Variants in ADIPOR2 observed in about 807,000 individuals in gnomAD.
ADIPOR2 encodes the protein adiponectin receptor protein 2.
Under a neutral mutation model 40.9 loss-of-function variants are expected in ADIPOR2, and 18 were observed. The observed-to-expected ratio is 0.44, with a 90% CI of 0.30 to 0.65. ADIPOR2 has a LOEUF of 0.65. ADIPOR2 is among the 30% of genes least tolerant of loss of function. The probability of loss-of-function intolerance (pLI) is 0.09; values close to 1 mark genes in which losing one functional copy is unlikely to be tolerated. For synonymous variants in ADIPOR2, 165 were observed against 166.4 expected (o/e 0.99, Z 0.06); for missense variants, 283 against 479.2 (o/e 0.59, Z 3.82).
At chr12:1,694,883 T>G (rs750618210) in intron 1 of ADIPOR2, among the ~76,000 whole-genome samples, 1 of 152,174 alleles carries the variant, frequency 6.6e-6, no homozygotes, top group African/African-American at 2.4e-5. Flanking sequence ...TTCCCTTCCC[T>G]TCCCTCGTTT....
intron 1 of ADIPOR2, among the ~76,000 whole-genome samples, chr12:1,695,023 T>G (rs73040713): frequency 0.24 from 31,009 of 128,664 alleles, 4,351 homozygotes; most frequent in African/African-American, 0.44. Context: ...TTTTTTTTTT[T>G]TTTTGTTTTG....
chr12:1,783,491 C>T lies in ADIPOR2; in HGVS notation c.839-389C>T, dbSNP rs115553133. 3.6e-3 allele frequency among the ~76,000 whole-genome samples: 543 copies of T among 151,394 alleles called. 2 individuals are homozygous for T. Among genetic ancestry groups the T allele is most frequent in the African/African-American group, 0.012 (507 of 41,138 alleles). ...CTCGGCTCACTGCAGCCTCTGCCCC[C>T]GGCTTCAGGTGATTCTCCTGCCTCA... On this transcript the variant is annotated intron_variant, in intron 6 of 7. Coordinates refer to ENST00000357103, the MANE Select transcript of ADIPOR2 (RefSeq NM_024551.3).
At chr12:1,772,671 AT>A in intron 2 of ADIPOR2, 170 bp from the exon 3 acceptor site, 1 of 751,314 alleles carries the variant, frequency 1.3e-6, no homozygotes, top group Non-Finnish European at 1.9e-6. Flanking sequence ...ACTAGTGTTC[AT>A]TTTTAATACT....
chr12:1,713,855 G>A (rs1036815389), intron 1 of ADIPOR2, among the ~76,000 whole-genome samples: 7 of 152,178 alleles, frequency 4.6e-5, no homozygotes, highest in Admixed American at 2.0e-4. Flanking sequence ...GGATGGTAAC[G>A]GACCTTGAGG....
At chr12:1,775,924 C>T (rs951238578) in intron 3 of ADIPOR2, among the ~76,000 whole-genome samples, 1 of 152,134 alleles carries the variant, frequency 6.6e-6, no homozygotes, top group Non-Finnish European at 1.5e-5. Context: ...AGTGGTAGTA[C>T]TATTAGCAGC....
intron 1 of ADIPOR2, among the ~76,000 whole-genome samples, chr12:1,728,504 C>G (rs1284212385): frequency 6.6e-6 from 1 of 151,146 alleles, no homozygotes; most frequent in Non-Finnish European, 1.5e-5. Flanking sequence ...GGGTGGATCA[C>G]TTGAGGTCAG....
chr12:1,755,298 T>TC (rs1862102945), intron 2 of ADIPOR2, among the ~76,000 whole-genome samples: 1 of 152,112 alleles, frequency 6.6e-6, no homozygotes, highest in Non-Finnish European at 1.5e-5. Context: ...CAGGATGGTC[T>TC]CCATCTCAAC....
At chr12:1,772,681 C>A in intron 2 of ADIPOR2, 161 bp from the exon 3 acceptor site, 1 of 818,240 alleles carries the variant, frequency 1.2e-6, no homozygotes, top group Non-Finnish European at 1.7e-6. Flanking sequence ...ATTTTTAATA[C>A]TAATAATTCT....
At chr12:1,741,859 C>T (rs2094743516) in intron 1 of ADIPOR2, among the ~76,000 whole-genome samples, 1 of 152,114 alleles carries the variant, frequency 6.6e-6, no homozygotes, top group African/African-American at 2.4e-5. Context: ...AAAAAATGGA[C>T]CAGACTTTGT....
chr12:1,726,555 C>T (rs183980808), intron 1 of ADIPOR2, among the ~76,000 whole-genome samples: 297 of 152,218 alleles, frequency 2.0e-3, no homozygotes, highest in Non-Finnish European at 2.5e-3. Flanking sequence ...CCTGGTGTGA[C>T]GGTATTTGAG....
At chr12:1,706,950 A>G (rs2094664477) in intron 1 of ADIPOR2, among the ~76,000 whole-genome samples, 1 of 152,074 alleles carries the variant, frequency 6.6e-6, no homozygotes, top group African/African-American at 2.4e-5. Flanking sequence ...GGATCACACC[A>G]CTGCAGTCCA....
At chr12:1,716,481 G>A (rs2094687831) in intron 1 of ADIPOR2, among the ~76,000 whole-genome samples, 1 of 152,170 alleles carries the variant, frequency 6.6e-6, no homozygotes. Context: ...TCGATTGTTT[G>A]TAATATGATA....
intron 1 of ADIPOR2, among the ~76,000 whole-genome samples, chr12:1,747,128 C>T (rs1294976346): frequency 6.7e-6 from 1 of 150,204 alleles, no homozygotes; most frequent in African/African-American, 2.5e-5. Context: ...ACCAGTTGGG[C>T]CTAATAGGCA....
intron 1 of ADIPOR2, among the ~76,000 whole-genome samples, chr12:1,708,322 C>G (rs1219080431): frequency 1.3e-5 from 2 of 151,828 alleles, no homozygotes; most frequent in East Asian, 3.9e-4. Context: ...TTCTTTTGTT[C>G]TGTGGCTTGC....
chr12:1,751,288 CT>C (rs754392508), intron 1 of ADIPOR2, among the ~76,000 whole-genome samples: 33 of 152,180 alleles, frequency 2.2e-4, no homozygotes, highest in Admixed American at 1.3e-4. Context: ...TTTTGCAGCA[CT>C]TTATTTTCTT....
chr12:1,727,475 T>A (rs703176), intron 1 of ADIPOR2, among the ~76,000 whole-genome samples: 122,344 of 152,068 alleles, frequency 0.8, 50,132 homozygotes, highest in East Asian at 0.9. Flanking sequence ...ATAATTATTA[T>A]TTAAATATTC....
chr12:1,696,882 A>G (rs1237862584), intron 1 of ADIPOR2: 2 of 153,654 alleles, frequency 1.3e-5, no homozygotes, highest in Non-Finnish European at 2.9e-5. Context: ...ACATTGAGCT[A>G]TTACCTCTTA....
chr12:1,692,248 T>TG (rs1241723430), intron 1 of ADIPOR2, among the ~76,000 whole-genome samples: 1 of 152,054 alleles, frequency 6.6e-6, no homozygotes, highest in Non-Finnish European at 1.5e-5. Context: ...CATTATTTTT[T>TG]GGGGGGAGGC....
chr12:1,696,875 T>C (rs568382402), intron 1 of ADIPOR2: 2 of 153,970 alleles, frequency 1.3e-5, no homozygotes, highest in East Asian at 3.8e-4. Context: ...CTAGGGGACA[T>C]TGAGCTATTA....
Sources: gnomAD v4.1 joint callset for allele counts (sites outside exome capture counted in the v4.1 genomes callset) on GRCh38, gnomAD v4.1.1 for gene constraint, MANE v1.5 for transcripts, NCBI Gene and HGNC (gene_info 2026-07-23, HGNC 2026-07-21) for gene names.